The following UFM1 variants were observed in gnomAD, a reference collection of about 807,000 sequenced individuals.
UFM1 encodes ubiquitin fold modifier 1.
In UFM1, 9 loss-of-function variants were observed where a neutral mutation model predicts 15.4. That is an observed-to-expected ratio of 0.59 (90% CI 0.35 to 1.02). The LOEUF (loss-of-function observed/expected upper bound fraction) is 1.02. Ranked by LOEUF, UFM1 falls within the 50% of genes least tolerant of loss-of-function variation. The pLI, the probability that UFM1 is intolerant of heterozygous loss-of-function variation, is 0.02. For synonymous variants in UFM1, 27 were observed against 36.3 expected (o/e 0.74, Z 0.92); for missense variants, 98 against 104.7 (o/e 0.94, Z 0.28).
chr13:38,357,660 T>C (rs1362493128), intron 3 of UFM1, among the ~76,000 whole-genome samples: 3 of 152,006 alleles, frequency 2.0e-5, no homozygotes, highest in African/African-American at 4.8e-5. Context: ...TACTGTTGAC[T>C]GGAAGCCTTA....
intron 5 of UFM1, chr13:38,359,542 A>G: frequency 2.2e-6 from 1 of 444,950 alleles, no homozygotes; most frequent in East Asian, 3.6e-5. Context: ...TACAAGTAAC[A>G]GAAAACCTAA....
At chr13:38,357,611 A>C (rs145986681) in intron 3 of UFM1, among the ~76,000 whole-genome samples, 1 of 151,888 alleles carries the variant, frequency 6.6e-6, no homozygotes, top group Non-Finnish European at 1.5e-5. Context: ...GAAAATCTGC[A>C]TAAAACTTTT....
intron 3 of UFM1, among the ~76,000 whole-genome samples, chr13:38,357,473 G>T (rs1447005418): frequency 6.7e-6 from 1 of 149,946 alleles, no homozygotes; most frequent in African/African-American, 2.4e-5. Context: ...ATAATTAATG[G>T]TGTCCTAAAT....
In UFM1 at chr13:38,362,567, ATT is replaced by A. The variant is rs1341809305; in HGVS notation, c.*1793_*1794del. 6.6e-6 allele frequency: 1 copy of A among 151,554 alleles called. No individual in the cohort carries two copies. The highest frequency in any genetic ancestry group is 1.9e-4 in the East Asian group (1 of 5,156). The allele number at this position is 151,554 out of a possible 1,614,324, so 9.4% of individuals were successfully genotyped here. ...AGGCATGCACCACCACGCCCAGCTA[ATT>A]TTTGTATTTTTAGCAGAGACAGGGA... is the stretch of plus-strand genomic sequence containing the variant. On this transcript the variant is annotated 3_prime_UTR_variant, in exon 6 of 6. Transcript: ENST00000239878.
rs999346303 is a variant in UFM1, at chr13:38,361,496, A to G, written c.*718A>G. ...TGCTGAGTTATACATTCCTTTATCA[A>G]TCTCTTTTGATACAACATTTAAAAC... is the stretch of plus-strand genomic sequence containing the variant. On this transcript the variant is annotated 3_prime_UTR_variant, in exon 6 of 6. Transcript: ENST00000239878. 4.6e-5 allele frequency: 7 copies of G among 152,170 alleles called. No homozygotes were observed. The highest frequency in any genetic ancestry group is 8.8e-5 in the Non-Finnish European group (6 of 68,036). The allele number at this position is 152,170 out of a possible 1,614,324, so 9.4% of individuals were successfully genotyped here.
intron 5 of UFM1, among the ~76,000 whole-genome samples, chr13:38,360,439 A>G (rs1879317387): frequency 6.6e-6 from 1 of 152,014 alleles, no homozygotes; most frequent in Non-Finnish European, 1.5e-5. Flanking sequence ...TGAAGGAAGT[A>G]TTCATGATTA....
intron 4 of UFM1, 119 bp from the exon 5 acceptor site, chr13:38,359,182 A>T (rs559323803): frequency 2.7e-5 from 19 of 714,860 alleles, no homozygotes; most frequent in Non-Finnish European, 3.7e-5. Flanking sequence ...TTGGATTTAA[A>T]GTGTTTGGCT....
chr13:38,362,466 TTG>T lies in UFM1; in HGVS notation c.*1690_*1691del, dbSNP rs2140066800. 1 of 50,140 alleles carries T rather than the reference TTG, an allele frequency of 2.0e-5. No individual in the cohort carries two copies. Among genetic ancestry groups the T allele is most frequent in the East Asian group, 1.8e-3 (1 of 558 alleles). The allele number at this position is 50,140 out of a possible 1,614,324, so 3.1% of individuals were successfully genotyped here. A position where few individuals can be genotyped will look rare whatever the true frequency, so the allele number is the denominator to read the frequency against. ...AAGTTTTTATTTTTATTTATTTGTT[TTG>T]TTTTTTTTTTTTTGAGGCAGACTCT... On this transcript the variant is annotated 3_prime_UTR_variant, in exon 6 of 6. Transcript: ENST00000239878.
chr13:38,354,214 A>T (rs750744162), intron 2 of UFM1, 25 bp from the exon 3 acceptor site: 15 of 1,603,760 alleles, frequency 9.4e-6, no homozygotes, highest in Non-Finnish European at 1.3e-5. Flanking sequence ...CTTTAAAAGA[A>T]ACTGTTTTAA....
At chr13:38,350,743 T>G (rs1878807539) in intron 2 of UFM1, among the ~76,000 whole-genome samples, 1 of 152,200 alleles carries the variant, frequency 6.6e-6, no homozygotes, top group Non-Finnish European at 1.5e-5. Context: ...TAGCATGAAA[T>G]GTAGCAAAGA....
intron 3 of UFM1, 121 bp downstream of exon 3, chr13:38,354,417 G>A: frequency 2.7e-6 from 2 of 729,396 alleles, no homozygotes; most frequent in Non-Finnish European, 4.2e-6. Context: ...CTAGGTTTAT[G>A]TTATCAAAAA....
rs1051994726 is a variant in UFM1, at chr13:38,349,915, C to T, written c.-5C>T. 3.1e-6 allele frequency: 5 copies of T among 1,614,036 alleles called. No individual in the cohort carries two copies. Among genetic ancestry groups the T allele is most frequent in the African/African-American group, 2.7e-5 (2 of 74,906 alleles). ...CGTGTGTTCTGGATTCATTCCGGCA[C>T]CACCATGTAAGTGTTTGCTTACCGA... On this transcript the variant is annotated 5_prime_UTR_variant, in exon 1 of 6. Transcript: ENST00000239878.
intron 2 of UFM1, chr13:38,350,345 G>A: frequency 1.9e-6 from 2 of 1,047,664 alleles, no homozygotes; most frequent in Non-Finnish European, 2.8e-6. Flanking sequence ...TGGCGCGGGA[G>A]GACAGGTGGA....
chr13:38,361,432 GTA>G lies in UFM1; in HGVS notation c.*655_*656del, dbSNP rs1440484556. ...TTTAATGGTGGACCTATAGAATCCA[GTA>G]CTTTTAATGGTGGGAATTTACAGTA... On this transcript the variant is annotated 3_prime_UTR_variant, in exon 6 of 6. Transcript: ENST00000239878. 5 of 152,236 alleles carry G rather than the reference GTA, an allele frequency of 3.3e-5. No homozygotes were observed. The East Asian group carries it at 9.6e-4, about 29-fold the overall frequency. 9.4% of individuals were successfully genotyped at this position (152,236 alleles called of 1,614,324 possible).
rs1879275379 is a variant in UFM1 at position 38,359,445 on chromosome 13, T to G, written c.190+112T>G. On this transcript the variant is annotated intron_variant, in intron 5 of 5. Coordinates refer to ENST00000239878, the MANE Select transcript of UFM1 (RefSeq NM_016617.4). ...ACAGTATTTTAACATAATGGAGCTG[T>G]TTTTTAGGGATTATATACCAGTCTT... 6 of 1,189,080 alleles carry G rather than the reference T, an allele frequency of 5.0e-6. No individual in the cohort carries two copies. The Admixed American group carries it at 7.0e-5, about 14-fold the overall frequency. 73.7% of individuals were successfully genotyped at this position (1,189,080 alleles called of 1,614,324 possible). A position where few individuals can be genotyped will look rare whatever the true frequency, so the allele number is the denominator to read the frequency against.
chr13:38,357,225 T>C (rs1028337308), intron 3 of UFM1, among the ~76,000 whole-genome samples: 5 of 151,992 alleles, frequency 3.3e-5, no homozygotes, highest in African/African-American at 9.6e-5. Context: ...GGTTGTTACC[T>C]GAAAATCTTC....
chr13:38,355,865 T>C (rs561183377), intron 3 of UFM1, among the ~76,000 whole-genome samples: 1 of 151,950 alleles, frequency 6.6e-6, no homozygotes, highest in Admixed American at 6.6e-5. Context: ...AAAAGTTGAC[T>C]CAAGAAAGCA....
chr13:38,359,839 AG>A, intron 5 of UFM1: 1 of 173,986 alleles, frequency 5.7e-6, no homozygotes, highest in East Asian at 1.7e-4. Flanking sequence ...ACAGGGTAAA[AG>A]TAGTCTCATA....
At chr13:38,354,211 AG>A in intron 2 of UFM1, 27 bp from the exon 3 acceptor site, 1 of 1,603,080 alleles carries the variant, frequency 6.2e-7, no homozygotes, top group Non-Finnish European at 8.5e-7. Flanking sequence ...TGACTTTAAA[AG>A]AAACTGTTTT....
Sources: allele counts gnomAD v4.1 joint callset (sites outside exome capture counted in the v4.1 genomes callset), GRCh38; gene constraint gnomAD v4.1.1; transcripts MANE v1.5; gene names NCBI Gene and HGNC (gene_info 2026-07-23, HGNC 2026-07-21).